The following IGSF9B variants were observed in gnomAD, a reference collection of about 807,000 sequenced individuals.
The protein encoded by IGSF9B is protein turtle homolog B.
A neutral mutation model predicts 143.7 loss-of-function variants in IGSF9B; 48 were observed. The ratio of observed to expected loss-of-function variants is 0.33; its 90% CI spans 0.26 to 0.42. The LOEUF is 0.42. IGSF9B is among the 20% of genes least tolerant of loss of function. IGSF9B has a pLI of 1.00. For missense variants in IGSF9B, 1,706 were observed against 1,980.0 expected (o/e 0.86, Z 2.63); for synonymous variants, 903 against 833.1 (o/e 1.08, Z -1.44).
At chr11:133,940,359 GC>G (rs1565444390) in intron 3 of IGSF9B, among the ~76,000 whole-genome samples, 5 of 68,708 alleles carry the variant, frequency 7.3e-5, no homozygotes. Context: ...GTCATCGCAC[GC>G]ACACACACCT....
At chr11:133,924,759 C>T (rs762067082) in intron 15 of IGSF9B, 61 bp downstream of exon 15, 2 of 1,354,730 alleles carry the variant, frequency 1.5e-6, no homozygotes, top group South Asian at 1.2e-5. Context: ...ACAAAATGAC[C>T]CCCATGCAGC....
At position 133,909,010 on chromosome 11, in the gene IGSF9B, T is replaced by A. The variant is rs1939258613; in HGVS notation, c.*59A>T. 1 of 1,401,118 alleles carries A rather than the reference T, an allele frequency of 7.1e-7. No homozygotes were observed. Among genetic ancestry groups the A allele is most frequent in the Admixed American group, 2.0e-5 (1 of 50,492 alleles). The allele number at this position is 1,401,118 out of a possible 1,614,324, so 86.8% of individuals were successfully genotyped here. A position where few individuals can be genotyped will look rare whatever the true frequency, so the allele number is the denominator to read the frequency against. On this transcript the variant is annotated 3_prime_UTR_variant, in exon 20 of 20. Transcript: ENST00000533871. The surrounding 1 kb of genome is among the most constrained non-coding windows in gnomAD (Gnocchi z 4.2). ...CGGAGGAGGACACACCCCCACACAG[T>A]GGCCCTCCCTGCCTGAGCCCAGCAA...
At chr11:133,946,906 C>G (rs1226317098) in intron 1 of IGSF9B, among the ~76,000 whole-genome samples, 1 of 152,228 alleles carries the variant, frequency 6.6e-6, no homozygotes, top group Admixed American at 6.5e-5. Context: ...CTGAGCCGGC[C>G]TCTCCAGCCC....
Position 133,899,165 on chromosome 11 carries a change from TG to T in IGSF9B, c.*9903del, listed in dbSNP as rs1218274192. On this transcript the variant is annotated 3_prime_UTR_variant, in exon 20 of 20. Transcript: ENST00000533871. The stretch of plus-strand genomic sequence containing the variant: ...CCAAAATTCAATGTCCATTCTGCTG[TG>T]GGGACCAAGGAACGTGTCCCAAGCA... 2.0e-5 allele frequency: 3 copies of T among 152,320 alleles called. No individual in the cohort carries two copies. The highest frequency in any genetic ancestry group is 7.2e-5 in the African/African-American group (3 of 41,472). The allele number at this position is 152,320 out of a possible 1,614,324, so 9.4% of individuals were successfully genotyped here. A position where few individuals can be genotyped will look rare whatever the true frequency, so the allele number is the denominator to read the frequency against.
At chr11:133,929,561 G>C in intron 12 of IGSF9B, 110 bp downstream of exon 12, 1 of 740,820 alleles carries the variant, frequency 1.3e-6, no homozygotes, top group South Asian at 1.6e-5. Flanking sequence ...TGGCAGGCCA[G>C]GAACTGCAGC....
chr11:133,909,379 T>C lies in IGSF9B; in HGVS notation c.4106-102A>G. The C allele has an allele frequency of 2.1e-6, 2 of 961,316 alleles. No homozygotes were observed. The highest frequency in any genetic ancestry group is 2.1e-5 in the Admixed American group (1 of 47,954). The allele number at this position is 961,316 out of a possible 1,614,324, so 59.5% of individuals were successfully genotyped here. A position where few individuals can be genotyped will look rare whatever the true frequency, so the allele number is the denominator to read the frequency against. ...ACCTGCATTTGTTCCGGGTTTCTAA[T>C]GTTGAAACAAAGGAATCACCTGAGT... On this transcript the variant is annotated intron_variant, in intron 19 of 19. Transcript: ENST00000533871. The surrounding 1 kb of genome is among the most constrained non-coding windows in gnomAD (Gnocchi z 4.2).
At chr11:133,941,734 G>C (rs1220452876) in intron 3 of IGSF9B, among the ~76,000 whole-genome samples, 1 of 152,132 alleles carries the variant, frequency 6.6e-6, no homozygotes, top group Non-Finnish European at 1.5e-5. Context: ...TTCCCGCCCA[G>C]CATTTCCCTA....
rs910493831 is a variant in IGSF9B, at chr11:133,904,762, C to T, written c.*4307G>A. Among the ~76,000 whole-genome samples, 10 of 151,942 alleles carry T rather than the reference C, an allele frequency of 6.6e-5. No individual in the cohort carries two copies. The highest frequency in any genetic ancestry group is 5.2e-4 in the Admixed American group (8 of 15,244). ...ATGCCTGACCTCACCCTCTGTGCCC[C>T]TTCCAGCCTCACCAACACCTGGCAA... On this transcript the variant is annotated 3_prime_UTR_variant, in exon 20 of 20. Coordinates refer to ENST00000533871, the MANE Select transcript of IGSF9B (RefSeq NM_001277285.4).
rs1461704262 is a variant in IGSF9B, at chr11:133,948,049, A to ATG, written c.65-1793_65-1792dup. On this transcript the variant is annotated intron_variant, in intron 1 of 19. Coordinates refer to ENST00000533871, the MANE Select transcript of IGSF9B (RefSeq NM_001277285.4). The surrounding 1 kb of genome is among the most constrained non-coding windows in gnomAD (Gnocchi z 4.7). Reference sequence around the variant, plus strand: ...TCTCTCCCTGTTTCTGTCTACCAGCATGTGTGCGTGTGTGTGTGTGTGTGT... The same window carrying ATG: ...TCTCTCCCTGTTTCTGTCTACCAGCATGTGTGTGCGTGTGTGTGTGTGTGTGT... 1.8e-5 allele frequency among the ~76,000 whole-genome samples: 2 copies of ATG among 113,596 alleles called. No individual in the cohort carries two copies. Among genetic ancestry groups the ATG allele is most frequent in the East Asian group, 2.5e-4 (1 of 4,076 alleles). The allele number at this position is 113,596 out of a possible 152,430, so 74.5% of individuals were successfully genotyped here. A position where few individuals can be genotyped will look rare whatever the true frequency, so the allele number is the denominator to read the frequency against.
rs116744093 is a variant in IGSF9B at position 133,923,385 on chromosome 11, G to A, written c.2120-655C>T. Among the ~76,000 whole-genome samples, 1,196 of 152,310 alleles carry A rather than the reference G, an allele frequency of 7.9e-3. 19 individuals carry two copies. Among genetic ancestry groups the A allele is most frequent in the African/African-American group, 0.028 (1,164 of 41,566 alleles). ...TTCGCATCCTGGTCATCTCAGGTACGGAAGTACCCTAGAGCTGGCAGGGAC... is the reference window on the plus strand; with the variant it reads ...TTCGCATCCTGGTCATCTCAGGTACAGAAGTACCCTAGAGCTGGCAGGGAC... On this transcript the variant is annotated intron_variant, in intron 15 of 19. Transcript: ENST00000533871.
At position 133,945,926 on chromosome 11, in the gene IGSF9B, A is replaced by T; in HGVS notation, c.262+135T>A. Reference sequence around the variant, plus strand: ...CTTGATTAGAACCAACAGAGGACAAAGGATGGGAGGAACCAGGCAGAGACT... The same window carrying T: ...CTTGATTAGAACCAACAGAGGACAATGGATGGGAGGAACCAGGCAGAGACT... On this transcript the variant is annotated intron_variant, in intron 2 of 19. Coordinates refer to ENST00000533871, the MANE Select transcript of IGSF9B (RefSeq NM_001277285.4). The surrounding 1 kb of genome is among the most constrained non-coding windows in gnomAD (Gnocchi z 4.6). 1.5e-6 allele frequency: 1 copy of T among 654,232 alleles called. No homozygotes were observed. The allele number at this position is 654,232 out of a possible 1,614,324, so 40.5% of individuals were successfully genotyped here.
Position 133,909,259 on chromosome 11 carries a change from G to C in IGSF9B, c.4124C>G (p.Thr1375Ser). The change falls in exon 20 of 20, where the codon ACT becomes AGT. Residue 1375 changes from threonine to serine, a missense_variant. Around this residue, in one of 7 missense-constraint regions of IGSF9B, gnomAD observed 880 missense variants for 762.9 expected, o/e 1.15. Transcript: ENST00000533871. This position sits in a 1 kb window ranked among gnomAD's most constrained non-coding sequence, Gnocchi z 4.2. ...AACCTGAGAGTTGGGAAGCTGCTGA[G>C]TCTGGGAGGCAGAATCGTCTAGGAA... ...KKRSDDSASQTQQLPNSQVLW... is the reference protein window; with the variant it reads ...KKRSDDSASQSQQLPNSQVLW... 6.5e-7 allele frequency: 1 copy of C among 1,535,854 alleles called. No homozygotes were observed. Among genetic ancestry groups the C allele is most frequent in the Non-Finnish European group, 8.7e-7 (1 of 1,146,692 alleles).
At chr11:133,952,004 G>A in intron 1 of IGSF9B, 1 of 453,572 alleles carries the variant, frequency 2.2e-6, no homozygotes, top group Non-Finnish European at 4.4e-6. Flanking sequence ...GACCAGGAGG[G>A]AGGCAAGGGG....
At position 133,920,184 on chromosome 11, in the gene IGSF9B, G is replaced by A. The variant is rs112808434; in HGVS notation, c.3541C>T (p.Pro1181Ser). Residue 1181 changes from proline (P) to serine (S), a missense_variant, in exon 18 of 20, where the codon CCT (proline) becomes TCT (serine). Physicochemically the swap from Pro to Ser is moderately conservative, Grantham distance 74 (BLOSUM62 -1). Around this residue, in one of 7 missense-constraint regions of IGSF9B, gnomAD observed 880 missense variants for 762.9 expected, o/e 1.15. Transcript: ENST00000533871. ...YEPQPRPRPSPRQARRAEPSL... is the reference protein window; with the variant it reads ...YEPQPRPRPSSRQARRAEPSL... The stretch of plus-strand genomic sequence containing the variant: ...GGCTCGGCGCGCCTGGCCTGCCGAG[G>A]GCTAGGCCGGGGCCGGGGCTGGGGC... 8.9e-5 allele frequency: 135 copies of A among 1,511,036 alleles called. 1 individual carries two copies. In the African/African-American group the frequency reaches 1.6e-3, roughly 18 times the overall value. 93.6% of individuals were successfully genotyped at this position (1,511,036 alleles called of 1,614,324 possible).
chr11:133,951,967 C>G lies in IGSF9B; in HGVS notation c.64+4724G>C, dbSNP rs551934383. ...TCTGTGCCTGTGTGCAAGTCACAGG[C>G]CCCCGCTCCATCTCGGGGGCACACA... is the stretch of plus-strand genomic sequence containing the variant. On this transcript the variant is annotated intron_variant, in intron 1 of 19. Transcript: ENST00000533871. 1.1e-3 allele frequency: 480 copies of G among 443,946 alleles called. 2 individuals are homozygous for G. The highest frequency in any genetic ancestry group is 1.6e-3 in the Non-Finnish European group (339 of 218,252). 27.5% of individuals were successfully genotyped at this position (443,946 alleles called of 1,614,324 possible). A position where few individuals can be genotyped will look rare whatever the true frequency, so the allele number is the denominator to read the frequency against.
intron 15 of IGSF9B, 88 bp downstream of exon 15, chr11:133,924,732 C>G: frequency 9.2e-7 from 1 of 1,081,280 alleles, no homozygotes; most frequent in South Asian, 1.3e-5. Context: ...AGCTTCTCCT[C>G]GTGGAGTAGC....
chr11:133,931,584 A>G lies in IGSF9B; in HGVS notation c.1252-15T>C. ...TAGGGGGGGTCCTGGGGAGGAAAGC[A>G]CAGGCACCCTCGTGAGGCCGGGGAT... On this transcript the variant is annotated splice_polypyrimidine_tract_variant and intron_variant, in intron 9 of 19. Transcript: ENST00000533871. The surrounding 1 kb of genome is among the most constrained non-coding windows in gnomAD (Gnocchi z 7.7). 1 of 1,612,546 alleles carries G rather than the reference A, an allele frequency of 6.2e-7. No individual in the cohort carries two copies. The highest frequency in any genetic ancestry group is 8.5e-7 in the Non-Finnish European group (1 of 1,179,212).
Position 133,935,597 on chromosome 11 carries a change from T to C in IGSF9B, c.967+20A>G. Reference sequence around the variant, plus strand: ...CTTCTGGGAGCCCCACCACCCAGGCTCCCCTGCACCCCTACTCACACTGCA... The same window carrying C: ...CTTCTGGGAGCCCCACCACCCAGGCCCCCCTGCACCCCTACTCACACTGCA... On this transcript the variant is annotated intron_variant, in intron 7 of 19. Coordinates refer to ENST00000533871, the MANE Select transcript of IGSF9B (RefSeq NM_001277285.4). 2 of 1,599,744 alleles carry C rather than the reference T, an allele frequency of 1.3e-6. No homozygotes were observed. Among genetic ancestry groups the C allele is most frequent in the African/African-American group, 1.3e-5 (1 of 74,702 alleles).
chr11:133,927,363 G>C (rs1048582702), intron 12 of IGSF9B, among the ~76,000 whole-genome samples: 3 of 152,244 alleles, frequency 2.0e-5, no homozygotes, highest in South Asian at 2.1e-4. Context: ...TGGTCAGATG[G>C]ATTACCAGCT....
Sources: gnomAD v4.1 joint callset for allele counts (sites outside exome capture counted in the v4.1 genomes callset) on GRCh38, gnomAD v4.1.1 for gene constraint, gnomAD v4.1.1 regional missense constraint, Gnocchi (gnomAD v3.1) non-coding constraint, MANE v1.5 for transcripts, NCBI Gene and HGNC (gene_info 2026-07-23, HGNC 2026-07-21) for gene names.